The following ARMH4 variants were observed in gnomAD, a reference collection of about 807,000 sequenced individuals.
ARMH4 encodes armadillo-like helical domain-containing protein 4.
A neutral mutation model predicts 61.9 loss-of-function variants in ARMH4; 49 were observed. The ratio of observed to expected loss-of-function variants is 0.79; its 90% CI spans 0.63 to 1.00. The LOEUF (loss-of-function observed/expected upper bound fraction) is 1.00, where lower values mean the gene tolerates loss of function less well. Among genes scored for constraint, ARMH4 ranks in the 50% least tolerant of loss-of-function variants. The probability of loss-of-function intolerance (pLI) is 0.00; values close to 1 mark genes in which losing one functional copy is unlikely to be tolerated. For synonymous variants in ARMH4, 368 were observed against 341.5 expected, an observed-to-expected ratio of 1.08 and a Z score of -0.85; for missense variants, 934 against 930.0, an observed-to-expected ratio of 1.00 and a Z score of -0.06.
At chr14:58,072,979 A>G (rs903596312) in intron 5 of ARMH4, among the ~76,000 whole-genome samples, 4 of 152,226 alleles carry the variant, frequency 2.6e-5, no homozygotes, top group African/African-American at 7.2e-5. Flanking sequence ...AGAGCCCTAA[A>G]TAGCAACTTC....
chr14:58,078,576 A>G (rs1226816659), intron 5 of ARMH4, among the ~76,000 whole-genome samples: 2 of 152,244 alleles, frequency 1.3e-5, no homozygotes, highest in African/African-American at 4.8e-5. Context: ...ATGTACCAAC[A>G]ATGGTACAGA....
intron 5 of ARMH4, among the ~76,000 whole-genome samples, chr14:58,014,348 C>T (rs1231771097): frequency 6.6e-6 from 1 of 152,092 alleles, no homozygotes; most frequent in East Asian, 1.9e-4. Context: ...CTAGGAACCT[C>T]AAGAATAAGG....
intron 5 of ARMH4, among the ~76,000 whole-genome samples, chr14:58,076,932 C>T (rs1377316350): frequency 6.6e-6 from 1 of 152,158 alleles, no homozygotes; most frequent in Non-Finnish European, 1.5e-5. Flanking sequence ...GGCCACTAGA[C>T]TTAGCTTTGT....
intron 5 of ARMH4, among the ~76,000 whole-genome samples, chr14:58,062,759 A>T (rs1444115761): frequency 6.6e-6 from 1 of 152,224 alleles, no homozygotes; most frequent in Non-Finnish European, 1.5e-5. Context: ...TACAGCTAGC[A>T]GGGAGCAGAG....
At chr14:58,099,332 T>C (rs906202468) in intron 4 of ARMH4, among the ~76,000 whole-genome samples, 3 of 151,912 alleles carry the variant, frequency 2.0e-5, no homozygotes, top group African/African-American at 7.3e-5. Context: ...ACTTAGAGGG[T>C]GACCAGCAGA....
intron 4 of ARMH4, among the ~76,000 whole-genome samples, chr14:58,113,803 CA>C (rs1265584498): frequency 6.6e-6 from 1 of 151,546 alleles, no homozygotes; most frequent in African/African-American, 2.4e-5. Flanking sequence ...GCTTTTTTCC[CA>C]AAAAATTATA....
intron 6 of ARMH4, among the ~76,000 whole-genome samples, chr14:58,009,955 C>T (rs1428972885): frequency 2.0e-5 from 3 of 151,842 alleles, no homozygotes; most frequent in Admixed American, 6.6e-5. Context: ...ACAACAACAA[C>T]AGGAATAATT....
intron 5 of ARMH4, among the ~76,000 whole-genome samples, chr14:58,051,684 G>A (rs942211233): frequency 1.3e-5 from 2 of 152,040 alleles, no homozygotes; most frequent in African/African-American, 4.8e-5. Flanking sequence ...CCAGGGCATC[G>A]TCTAGACTGA....
intron 4 of ARMH4, among the ~76,000 whole-genome samples, chr14:58,105,622 G>C (rs1886144742): frequency 6.6e-6 from 1 of 151,774 alleles, no homozygotes; most frequent in Non-Finnish European, 1.5e-5. Context: ...AGGGGGCAGA[G>C]GTTGCAGTCA....
intron 5 of ARMH4, among the ~76,000 whole-genome samples, chr14:58,065,098 C>T (rs922334606): frequency 3.9e-5 from 6 of 152,088 alleles, no homozygotes; most frequent in Non-Finnish European, 8.8e-5. Context: ...AAAAATTAGC[C>T]GGGCGTGTTG....
At chr14:58,121,117 C>G (rs886201051) in intron 4 of ARMH4, among the ~76,000 whole-genome samples, 1 of 152,184 alleles carries the variant, frequency 6.6e-6, no homozygotes, top group African/African-American at 2.4e-5. Flanking sequence ...TTGTAGATAT[C>G]TATCTTACCT....
chr14:58,049,278 C>G (rs991152987), intron 5 of ARMH4, among the ~76,000 whole-genome samples: 1 of 151,630 alleles, frequency 6.6e-6, no homozygotes, highest in Non-Finnish European at 1.5e-5. Flanking sequence ...AAAACTGTGC[C>G]ACAGAATATA....
intron 5 of ARMH4, among the ~76,000 whole-genome samples, chr14:58,072,878 T>C (rs919691959): frequency 1.3e-5 from 2 of 152,310 alleles, no homozygotes; most frequent in South Asian, 2.1e-4. Flanking sequence ...CCTGTCATCA[T>C]GCATAATGAT....
intron 5 of ARMH4, 50 bp downstream of exon 5, chr14:58,096,674 T>C: frequency 1.9e-6 from 3 of 1,571,568 alleles, no homozygotes; most frequent in Non-Finnish European, 2.6e-6. Context: ...ATCTGAGAAA[T>C]ATAAAAGGAG....
At chr14:58,094,952 A>G (rs1885699419) in intron 5 of ARMH4, among the ~76,000 whole-genome samples, 2 of 152,242 alleles carry the variant, frequency 1.3e-5, no homozygotes, top group African/African-American at 4.8e-5. Flanking sequence ...ATACCTCAGT[A>G]AAGCTGATTC....
chr14:58,032,705 C>T (rs1008141796), intron 5 of ARMH4, among the ~76,000 whole-genome samples: 9 of 148,998 alleles, frequency 6.0e-5, no homozygotes, highest in Middle Eastern at 3.5e-3. Context: ...GCACCGTGCG[C>T]GAGCCGAAGC....
At chr14:58,024,020 A>G (rs1882937241) in intron 5 of ARMH4, among the ~76,000 whole-genome samples, 1 of 152,182 alleles carries the variant, frequency 6.6e-6, no homozygotes, top group Non-Finnish European at 1.5e-5. Context: ...CAGGCAGAGT[A>G]GATTTAGCAT....
intron 5 of ARMH4, among the ~76,000 whole-genome samples, chr14:58,025,270 C>A (rs1042683371): frequency 6.6e-6 from 1 of 152,178 alleles, no homozygotes; most frequent in South Asian, 2.1e-4. Context: ...TTAATTCTAA[C>A]TGAAGAATTT....
intron 5 of ARMH4, among the ~76,000 whole-genome samples, chr14:58,096,219 A>G (rs1320976244): frequency 2.0e-5 from 3 of 152,250 alleles, no homozygotes; most frequent in Non-Finnish European, 4.4e-5. Context: ...GGACTGCCCA[A>G]CTGCTCACCC....
Sources: gnomAD v4.1 joint callset for allele counts (sites outside exome capture counted in the v4.1 genomes callset) on GRCh38, gnomAD v4.1.1 for gene constraint, MANE v1.5 for transcripts, NCBI Gene and HGNC (gene_info 2026-07-23, HGNC 2026-07-21) for gene names.